Variants in BCLAF3 observed in about 807,000 individuals in gnomAD.
The protein encoded by BCLAF3 is BCLAF1 and THRAP3 family member 3, also known as transient octamer binding factor 1.
BCLAF3 carries 24 observed loss-of-function variants against 51.2 expected under a neutral mutation model. The ratio of observed to expected loss-of-function variants is 0.47; its 90% confidence interval spans 0.34 to 0.66. BCLAF3 has a LOEUF of 0.66. Ranked by LOEUF, BCLAF3 falls within the 30% of genes least tolerant of loss-of-function variation. BCLAF3 has a pLI of 0.01. For synonymous variants in BCLAF3, 152 were observed against 176.6 expected, an observed-to-expected ratio of 0.86 and a Z score of 1.10; for missense variants, 465 against 525.1, an observed-to-expected ratio of 0.89 and a Z score of 1.12.
In BCLAF3 at chrX:19,913,010, A is replaced by G. The variant is rs1157970110; in HGVS notation, c.*4295T>C. Reference sequence around the variant, plus strand: ...GGTATGTTTCCAGACCTCTCAATTCACTCATATGTACAGACAGGATTGACG... The same window carrying G: ...GGTATGTTTCCAGACCTCTCAATTCGCTCATATGTACAGACAGGATTGACG... On this transcript the variant is annotated 3_prime_UTR_variant, in exon 12 of 12. Transcript: ENST00000379682. 9.0e-6 allele frequency: 1 copy of G among 111,706 alleles called. No homozygotes were observed. The highest frequency in any genetic ancestry group is 1.9e-5 in the Non-Finnish European group (1 of 53,072). 9.2% of individuals were successfully genotyped at this position (111,706 alleles called of 1,213,427 possible).
At chrX:19,954,160 T>C in intron 5 of BCLAF3, 1 of 754,369 alleles carries the variant, frequency 1.3e-6, no homozygotes, top group South Asian at 6.7e-5. Context: ...GAAAAGACAA[T>C]GGCTCTCTCA....
intron 8 of BCLAF3, among the ~76,000 whole-genome samples, chrX:19,942,134 CTT>C (rs1229331999): frequency 4.8e-5 from 3 of 62,784 alleles, no homozygotes; most frequent in African/African-American, 2.5e-4. Flanking sequence ...TATCCTGAGA[CTT>C]TGCTGAAGTT....
intron 11 of BCLAF3, among the ~76,000 whole-genome samples, chrX:19,920,686 T>A (rs1400622691): frequency 9.1e-6 from 1 of 109,718 alleles, no homozygotes; most frequent in Non-Finnish European, 1.9e-5. Context: ...CCGGATGTGG[T>A]GGCACACATC....
chrX:19,939,464 T>C (rs751620278), intron 8 of BCLAF3, among the ~76,000 whole-genome samples: 3 of 111,820 alleles, frequency 2.7e-5, no homozygotes, highest in Non-Finnish European at 5.6e-5. Context: ...AGGATTTGAA[T>C]AGAAATTTCT....
intron 1 of BCLAF3, among the ~76,000 whole-genome samples, chrX:19,971,098 C>A (rs991637836): frequency 1.8e-5 from 2 of 112,056 alleles, no homozygotes; most frequent in Admixed American, 9.5e-5. Flanking sequence ...TTTAAAATTT[C>A]TTTTCTTTTG....
At chrX:19,948,065 T>C (rs1341180928) in intron 8 of BCLAF3, among the ~76,000 whole-genome samples, 1 of 112,310 alleles carries the variant, frequency 8.9e-6, no homozygotes, top group Non-Finnish European at 1.9e-5. Flanking sequence ...TTGGCAACGA[T>C]GTGGAGCAAC....
chrX:19,953,200 G>C, intron 6 of BCLAF3, 149 bp from the exon 7 acceptor site: 1 of 440,285 alleles, frequency 2.3e-6, no homozygotes, highest in Non-Finnish European at 3.9e-6. Flanking sequence ...TCACCTATAT[G>C]GCAGTCTCCC....
intron 8 of BCLAF3, among the ~76,000 whole-genome samples, chrX:19,944,024 T>G (rs1361894717): frequency 1.3e-5 from 1 of 75,456 alleles, no homozygotes. Flanking sequence ...TTTACCATTA[T>G]GTAATGGCCT....
At chrX:19,931,670 T>G (rs751975019) in intron 10 of BCLAF3, among the ~76,000 whole-genome samples, 1 of 112,069 alleles carries the variant, frequency 8.9e-6, no homozygotes, top group East Asian at 2.8e-4. Flanking sequence ...AGGAAAGACT[T>G]TGGTGACCCA....
At chrX:19,938,922 T>C (rs1002465580) in intron 8 of BCLAF3, among the ~76,000 whole-genome samples, 1 of 112,609 alleles carries the variant, frequency 8.9e-6, no homozygotes, top group Middle Eastern at 4.6e-3. Flanking sequence ...ACACCTATCA[T>C]TCCGTATTTG....
In BCLAF3 at chrX:19,966,206, G is replaced by A; in HGVS notation, c.485C>T (p.Ser162Phe). The A allele has an allele frequency of 8.3e-7, 1 of 1,211,405 alleles. No homozygotes were observed. Among genetic ancestry groups the A allele is most frequent in the Non-Finnish European group, 1.1e-6 (1 of 895,400 alleles). ...ATGCCACTTTCCTTCAAATCTAAAA[G>A]AATCTGCTATTGACCTCTGAGGTGG... is the stretch of plus-strand genomic sequence containing the variant. ...GKPPQRSIAD[S>F]FRFEGKWHED... is the part of the protein sequence containing the mutation. Residue 162 changes from serine to phenylalanine, a missense_variant, in exon 3 of 12, where the codon TCT (serine) becomes TTT (phenylalanine). Ser to Phe is a radical substitution (Grantham distance 155). Coordinates refer to ENST00000379682, the MANE Select transcript of BCLAF3 (RefSeq NM_001367774.2).
Position 19,917,181 on chromosome X carries a change from TAA to T in BCLAF3, c.*122_*123del. ...GTTGCAGCATTCCACTACTAAAAAA[TAA>T]AGTTATTTTATCAAGAAGTTACAGT... On this transcript the variant is annotated 3_prime_UTR_variant, in exon 12 of 12. Transcript: ENST00000379682. 4 of 631,848 alleles carry T rather than the reference TAA, an allele frequency of 6.3e-6. No homozygotes were observed. The highest frequency in any genetic ancestry group is 1.0e-5 in the Non-Finnish European group (4 of 399,945). The allele number at this position is 631,848 out of a possible 1,213,427, so 52.1% of individuals were successfully genotyped here.
At chrX:19,987,054 G>A (rs1392444354) in intron 1 of BCLAF3, among the ~76,000 whole-genome samples, 6 of 109,618 alleles carry the variant, frequency 5.5e-5, no homozygotes, top group African/African-American at 2.0e-4. Flanking sequence ...GATCCTCCCA[G>A]TTCAGCCTCC....
At chrX:19,947,227 C>G (rs2071340944) in intron 8 of BCLAF3, among the ~76,000 whole-genome samples, 1 of 112,299 alleles carries the variant, frequency 8.9e-6, no homozygotes, top group South Asian at 3.7e-4. Flanking sequence ...AAACGACAGT[C>G]TGTCGTTCCA....
chrX:19,989,764 T>G (rs182364013), intron 1 of BCLAF3, among the ~76,000 whole-genome samples: 3 of 111,538 alleles, frequency 2.7e-5, no homozygotes, highest in African/African-American at 9.8e-5. Context: ...GAACTTGGAA[T>G]AGTGAAACAA....
In BCLAF3 at chrX:19,984,278, A is replaced by G. The variant is rs1216507993; in HGVS notation, c.-35+6630T>C. 2.7e-5 allele frequency among the ~76,000 whole-genome samples: 3 copies of G among 110,337 alleles called. No homozygotes were observed. In the Admixed American group the frequency reaches 2.9e-4, roughly 11 times the overall value. On this transcript the variant is annotated intron_variant, in intron 1 of 11. Coordinates refer to ENST00000379682, the MANE Select transcript of BCLAF3 (RefSeq NM_001367774.2). ...ATCACCTTCATGAGACAAAAACTAC[A>G]AGAGATGCGAGGAGACACTGGAAAC... is the stretch of plus-strand genomic sequence containing the variant.
chrX:19,947,458 G>A (rs754188891), intron 8 of BCLAF3, among the ~76,000 whole-genome samples: 1 of 111,199 alleles, frequency 9.0e-6, no homozygotes, highest in Non-Finnish European at 1.9e-5. Context: ...AGTAAGAAAC[G>A]GGTAAGAAGT....
chrX:19,972,404 G>A (rs1413984072), intron 1 of BCLAF3, among the ~76,000 whole-genome samples: 8 of 111,295 alleles, frequency 7.2e-5, no homozygotes, highest in Admixed American at 4.8e-4. Context: ...TTTTGGGGGC[G>A]GGTGGGAACA....
Position 19,915,459 on chromosome X carries a change from A to G in BCLAF3, c.*1846T>C, listed in dbSNP as rs772052942. The G allele has an allele frequency of 8.9e-6, 1 of 112,331 alleles. No individual in the cohort carries two copies. Among genetic ancestry groups the G allele is most frequent in the African/African-American group, 3.2e-5 (1 of 30,973 alleles). The allele number at this position is 112,331 out of a possible 1,213,427, so 9.3% of individuals were successfully genotyped here. A position where few individuals can be genotyped will look rare whatever the true frequency, so the allele number is the denominator to read the frequency against. On this transcript the variant is annotated 3_prime_UTR_variant, in exon 12 of 12. Transcript: ENST00000379682. ...TTTTCTGCACAGGTATTTTGCAGATAACACGCTTTGCATATTGAGACAGTG... is the reference window on the plus strand; with the variant it reads ...TTTTCTGCACAGGTATTTTGCAGATGACACGCTTTGCATATTGAGACAGTG...
Sources: allele counts gnomAD v4.1 joint callset (sites outside exome capture counted in the v4.1 genomes callset), GRCh38; gene constraint gnomAD v4.1.1; transcripts MANE v1.5; gene names NCBI Gene and HGNC (gene_info 2026-07-23, HGNC 2026-07-21).